Variants in ZNF214 observed in about 807,000 individuals in gnomAD.
The protein encoded by ZNF214 is BWSCR2-associated zinc finger protein 1.
In ZNF214, 43 loss-of-function variants were observed where a neutral mutation model predicts 53.9. That is an observed-to-expected ratio of 0.80 (90% CI 0.63 to 1.03). The LOEUF (loss-of-function observed/expected upper bound fraction) is 1.03. ZNF214 is among the 50% of genes least tolerant of loss of function. ZNF214 has a pLI of 0.00. For missense variants in ZNF214, 724 were observed against 719.1 expected, an observed-to-expected ratio of 1.01 and a Z score of -0.08; for synonymous variants, 217 against 229.5, an observed-to-expected ratio of 0.95 and a Z score of 0.49.
At chr11:7,019,498 T>C (rs1851859557) in intron 1 of ZNF214, among the ~76,000 whole-genome samples, 1 of 152,184 alleles carries the variant, frequency 6.6e-6, no homozygotes, top group South Asian at 2.1e-4. Flanking sequence ...ATCATTCCAT[T>C]GTCCTCCCCT....
chr11:7,019,904 G>A (rs1219408885), intron 1 of ZNF214, among the ~76,000 whole-genome samples, 169 bp downstream of exon 1: 7 of 152,100 alleles, frequency 4.6e-5, no homozygotes, highest in Non-Finnish European at 1.0e-4. Context: ...TTCTCTAGGA[G>A]CGGGATCTCC....
intron 1 of ZNF214, among the ~76,000 whole-genome samples, chr11:7,013,045 G>C (rs1307519914): frequency 2.0e-5 from 3 of 152,178 alleles, no homozygotes; most frequent in African/African-American, 7.2e-5. Context: ...TGGCTGGCAG[G>C]CTGGTCTAAA....
At position 7,001,126 on chromosome 11, in the gene ZNF214, A is replaced by T. The variant is rs1345588363; in HGVS notation, c.557T>A (p.Val186Asp). 2 of 1,613,264 alleles carry T rather than the reference A, an allele frequency of 1.2e-6. No individual in the cohort carries two copies. The highest frequency in any genetic ancestry group is 2.7e-5 in the African/African-American group (2 of 74,852). The change falls in exon 3 of 3, where the codon GTT becomes GAT. Residue 186 changes from valine to aspartate, a missense_variant. By Grantham distance (152) the Val-to-Asp change is radical (BLOSUM62 -3). Coordinates refer to ENST00000278314, the MANE Select transcript of ZNF214 (RefSeq NM_013249.4). The part of the protein sequence containing the change: ...LSMEKEQKLI[V>D]QHSYIPVEEA... ...CTCCACTGGGATATAAGAATGCTGAACTATGAGCTTCTGTTCTTTTTCCAT... is the reference window on the plus strand; with the variant it reads ...CTCCACTGGGATATAAGAATGCTGATCTATGAGCTTCTGTTCTTTTTCCAT...
intron 1 of ZNF214, among the ~76,000 whole-genome samples, chr11:7,015,590 CAAA>C (rs1269004065): frequency 0.014 from 325 of 23,938 alleles, 2 homozygotes; most frequent in African/African-American, 0.032. Context: ...AAAACAACAA[CAAA>C]AACAACAACA....
At chr11:7,015,146 C>T (rs1371330357) in intron 1 of ZNF214, among the ~76,000 whole-genome samples, 1 of 142,994 alleles carries the variant, frequency 7.0e-6, no homozygotes, top group South Asian at 2.2e-4. Flanking sequence ...CGCTGGAGTG[C>T]GGTGGCATGA....
intron 1 of ZNF214, among the ~76,000 whole-genome samples, chr11:7,018,816 A>T (rs527869566): frequency 6.6e-6 from 1 of 152,098 alleles, no homozygotes; most frequent in Admixed American, 6.5e-5. Flanking sequence ...CATTCTTATA[A>T]TTCTTTATCT....
chr11:7,018,069 G>A (rs1851817410), intron 1 of ZNF214, among the ~76,000 whole-genome samples: 1 of 152,004 alleles, frequency 6.6e-6, no homozygotes, highest in Non-Finnish European at 1.5e-5. Context: ...TTGTACATGT[G>A]TATGAACATG....
intron 1 of ZNF214, among the ~76,000 whole-genome samples, chr11:7,009,920 A>T (rs540238691): frequency 6.6e-6 from 1 of 152,282 alleles, no homozygotes; most frequent in African/African-American, 2.4e-5. Context: ...AAAAATAATA[A>T]GATGCTGACA....
chr11:7,005,270 AAT>A (rs1240475799), intron 1 of ZNF214, among the ~76,000 whole-genome samples: 5 of 152,168 alleles, frequency 3.3e-5, no homozygotes, highest in South Asian at 4.1e-4. Flanking sequence ...TATTTTTAAA[AAT>A]ATGTTACAAA....
chr11:7,007,875 CATG>C (rs1453834821), intron 1 of ZNF214, among the ~76,000 whole-genome samples: 1 of 149,926 alleles, frequency 6.7e-6, no homozygotes, highest in Non-Finnish European at 1.5e-5. Context: ...TAAAAGAAAT[CATG>C]ATAAATTCCA....
At chr11:7,006,021 T>G (rs149276551) in intron 1 of ZNF214, among the ~76,000 whole-genome samples, 5 of 152,194 alleles carry the variant, frequency 3.3e-5, no homozygotes, top group Admixed American at 2.6e-4. Context: ...TTGTATTATT[T>G]TGCTTTTCAG....
intron 1 of ZNF214, chr11:7,016,040 AATT>A (rs1234466533): frequency 6.6e-6 from 1 of 152,180 alleles, no homozygotes; most frequent in Non-Finnish European, 1.5e-5. Flanking sequence ...AAAAAAAAAA[AATT>A]AAGCTTGATA....
intron 1 of ZNF214, among the ~76,000 whole-genome samples, chr11:7,005,997 A>G (rs1269207449): frequency 6.6e-6 from 1 of 152,086 alleles, no homozygotes; most frequent in East Asian, 1.9e-4. Context: ...ATCACCAACT[A>G]TGACCAGTGA....
rs1214223379 is a variant in ZNF214, at chr11:7,000,138, A to C, written c.1545T>G (p.Ile515Met). ...TTTCTCCTGTATGGACTCTCTGATGAATGAGAAGATGTGAACGCTGACTGA... is the reference window on the plus strand; with the variant it reads ...TTTCTCCTGTATGGACTCTCTGATGCATGAGAAGATGTGAACGCTGACTGA... ...KGFSQRSHLL[I>M]HQRVHTGEKP... is the part of the protein sequence containing the mutation. Residue 515 changes from isoleucine (I) to methionine (M), a missense_variant, in exon 3 of 3, where the codon ATT (isoleucine) becomes ATG (methionine). Transcript: ENST00000278314. 5 of 1,613,226 alleles carry C rather than the reference A, an allele frequency of 3.1e-6. No individual in the cohort carries two copies. The South Asian group carries it at 4.4e-5, about 14-fold the overall frequency.
intron 1 of ZNF214, among the ~76,000 whole-genome samples, chr11:7,017,934 T>C (rs1234380987): frequency 6.6e-6 from 1 of 152,222 alleles, no homozygotes; most frequent in East Asian, 1.9e-4. Context: ...CACAGTACAC[T>C]TCTATATACT....
At position 7,018,633 on chromosome 11, in the gene ZNF214, C is replaced by T. The variant is rs866863875; in HGVS notation, c.-21+1440G>A. Among the ~76,000 whole-genome samples the T allele has an allele frequency of 2.0e-5, 3 of 150,480 alleles. No individual in the cohort carries two copies. The South Asian group carries it at 6.3e-4, about 32-fold the overall frequency. On this transcript the variant is annotated intron_variant, in intron 1 of 2. Coordinates refer to ENST00000278314, the MANE Select transcript of ZNF214 (RefSeq NM_013249.4). ...TCTCCTGCTTCAGCCTCCTGAGTAG[C>T]TGGGATTACAGGTGCCTGCCACAAT...
intron 1 of ZNF214, chr11:7,019,673 G>C (rs1851864499): frequency 6.6e-6 from 1 of 152,216 alleles, no homozygotes; most frequent in South Asian, 2.1e-4. Flanking sequence ...CAAGATCTCA[G>C]TTTCCTTACC....
At chr11:7,010,213 A>T (rs10732506) in intron 1 of ZNF214, among the ~76,000 whole-genome samples, 1 of 152,050 alleles carries the variant, frequency 6.6e-6, no homozygotes, top group African/African-American at 2.4e-5. Context: ...TGTGGTACAC[A>T]TATACCATGG....
At position 6,998,902 on chromosome 11, in the gene ZNF214, G is replaced by A. The variant is rs1354834871; in HGVS notation, c.*960C>T. ...ATCAATAATTAAGACTGTGTATTCC[G>A]ACTAACTCTATTCTGAGATAATGGC... On this transcript the variant is annotated 3_prime_UTR_variant, in exon 3 of 3. Coordinates refer to ENST00000278314, the MANE Select transcript of ZNF214 (RefSeq NM_013249.4). Among the ~76,000 whole-genome samples the A allele has an allele frequency of 2.6e-5, 4 of 151,744 alleles. No homozygotes were observed. Among genetic ancestry groups the A allele is most frequent in the Non-Finnish European group, 5.9e-5 (4 of 67,862 alleles).
Sources: gnomAD v4.1 joint callset for allele counts (sites outside exome capture counted in the v4.1 genomes callset) on GRCh38, gnomAD v4.1.1 for gene constraint, MANE v1.5 for transcripts, NCBI Gene and HGNC (gene_info 2026-07-23, HGNC 2026-07-21) for gene names.